Variants in CDH9 observed in about 807,000 individuals in gnomAD.
CDH9 encodes the protein cadherin 9.
A neutral mutation model predicts 70.9 loss-of-function variants in CDH9; 28 were observed. The observed-to-expected ratio is 0.40, with a 90% confidence interval of 0.29 to 0.54. The LOEUF (loss-of-function observed/expected upper bound fraction) is 0.54. Ranked by LOEUF, CDH9 falls within the 20% of genes least tolerant of loss-of-function variation. CDH9 has a pLI of 0.59. For synonymous variants in CDH9, 409 were observed against 343.1 expected, an observed-to-expected ratio of 1.19 and a Z score of -2.12; for missense variants, 874 against 984.4, an observed-to-expected ratio of 0.89 and a Z score of 1.50.
intron 1 of CDH9, among the ~76,000 whole-genome samples, chr5:27,019,637 C>T (rs555738538): frequency 1.3e-5 from 2 of 151,716 alleles, no homozygotes; most frequent in African/African-American, 4.8e-5. Context: ...TCTTAACACA[C>T]AGAGAAGAAA....
chr5:26,905,876 C>A, intron 5 of CDH9, 83 bp downstream of exon 5: 1 of 987,424 alleles, frequency 1.0e-6, no homozygotes, highest in Non-Finnish European at 1.6e-6. Context: ...AGCAAAACTA[C>A]TAGTATGAAA....
Position 26,928,828 on chromosome 5 carries a change from T to C in CDH9, c.229-12904A>G, listed in dbSNP as rs371598069. On this transcript the variant is annotated intron_variant, in intron 2 of 11. Coordinates refer to ENST00000231021, the MANE Select transcript of CDH9 (RefSeq NM_016279.4). ...AACTAGACTCCTATCTCTCACCATA[T>C]ACAAAAATTAAATCAAAATGAACTA... 9.2e-5 allele frequency among the ~76,000 whole-genome samples: 14 copies of C among 152,176 alleles called. No homozygotes were observed. The East Asian group carries it at 1.2e-3, about 13-fold the overall frequency.
intron 2 of CDH9, among the ~76,000 whole-genome samples, chr5:26,940,955 C>G (rs1741652031): frequency 6.6e-6 from 1 of 152,124 alleles, no homozygotes; most frequent in African/African-American, 2.4e-5. Flanking sequence ...CAGGCTGAAG[C>G]CGATGTAATA....
intron 1 of CDH9, among the ~76,000 whole-genome samples, chr5:27,020,935 ACT>A (rs962005865): frequency 2.6e-5 from 4 of 151,764 alleles, no homozygotes; most frequent in African/African-American, 9.7e-5. Flanking sequence ...GTATTTAAAC[ACT>A]GTTATCAAAA....
At chr5:26,938,608 G>A (rs895902258) in intron 2 of CDH9, among the ~76,000 whole-genome samples, 1 of 152,084 alleles carries the variant, frequency 6.6e-6, no homozygotes, top group Admixed American at 6.6e-5. Flanking sequence ...ACCTAAGACA[G>A]AGTAAGTGCA....
intron 1 of CDH9, among the ~76,000 whole-genome samples, chr5:26,998,188 A>G (rs1350261354): frequency 6.6e-6 from 1 of 152,140 alleles, no homozygotes; most frequent in Non-Finnish European, 1.5e-5. Context: ...CAGGGCTTCT[A>G]TACACAACAG....
chr5:26,916,096 T>C (rs891315387), intron 2 of CDH9, among the ~76,000 whole-genome samples, 172 bp from the exon 3 acceptor site: 1 of 151,968 alleles, frequency 6.6e-6, no homozygotes, highest in Non-Finnish European at 1.5e-5. Context: ...CTTATTACAC[T>C]CAAAATTTTT....
At chr5:27,012,609 C>A (rs1742977884) in intron 1 of CDH9, among the ~76,000 whole-genome samples, 1 of 151,946 alleles carries the variant, frequency 6.6e-6, no homozygotes, top group South Asian at 2.1e-4. Context: ...TTGGCAACAT[C>A]ATAATGGATC....
chr5:26,983,094 A>T (rs1055645951), intron 2 of CDH9, among the ~76,000 whole-genome samples: 21 of 152,150 alleles, frequency 1.4e-4, no homozygotes, highest in Non-Finnish European at 2.8e-4. Flanking sequence ...GGTAAGACAT[A>T]GAGTGAACAA....
intron 3 of CDH9, among the ~76,000 whole-genome samples, chr5:26,915,197 C>T (rs977896957): frequency 1.3e-5 from 2 of 151,984 alleles, no homozygotes; most frequent in African/African-American, 4.8e-5. Context: ...CTCATGCCTA[C>T]CACATAAGTT....
intron 2 of CDH9, among the ~76,000 whole-genome samples, chr5:26,967,721 T>A (rs1742152838): frequency 6.6e-6 from 1 of 151,936 alleles, no homozygotes; most frequent in Admixed American, 6.6e-5. Context: ...TTTTTTTCAA[T>A]GCTAGGTCTT....
At chr5:26,916,592 G>A (rs944727186) in intron 2 of CDH9, among the ~76,000 whole-genome samples, 5 of 151,864 alleles carry the variant, frequency 3.3e-5, no homozygotes, top group Admixed American at 2.0e-4. Context: ...ACCATATACC[G>A]TAACAAAAGT....
chr5:26,910,281 C>A (rs561805641), intron 3 of CDH9, among the ~76,000 whole-genome samples: 21 of 146,264 alleles, frequency 1.4e-4, no homozygotes, highest in Non-Finnish European at 2.0e-4. Context: ...AATTATCTCT[C>A]TATATAAACT....
At chr5:26,905,836 T>G (rs1413769309) in intron 5 of CDH9, 123 bp downstream of exon 5, 1 of 705,944 alleles carries the variant, frequency 1.4e-6, no homozygotes, top group Non-Finnish European at 2.5e-6. Context: ...GAGGAATGGA[T>G]TATGGTTTTT....
At chr5:27,017,915 A>AT (rs1196389461) in intron 1 of CDH9, among the ~76,000 whole-genome samples, 2 of 113,910 alleles carry the variant, frequency 1.8e-5, no homozygotes, top group Admixed American at 7.7e-5. Context: ...TTTAGTATAC[A>AT]TTGTTTTTTT....
At chr5:27,005,371 A>G (rs144044932) in intron 1 of CDH9, among the ~76,000 whole-genome samples, 139 of 152,236 alleles carry the variant, frequency 9.1e-4, no homozygotes, top group Middle Eastern at 3.4e-3. Flanking sequence ...ATGAACTGAC[A>G]CTTCTCAAAA....
chr5:26,887,986 G>A (rs543140774), intron 9 of CDH9, among the ~76,000 whole-genome samples: 1 of 152,222 alleles, frequency 6.6e-6, no homozygotes, highest in East Asian at 1.9e-4. Context: ...CCAAAACTAT[G>A]AGAAATAAAA....
chr5:27,014,312 C>T (rs1041317074), intron 1 of CDH9, among the ~76,000 whole-genome samples: 5 of 152,032 alleles, frequency 3.3e-5, no homozygotes, highest in African/African-American at 1.2e-4. Flanking sequence ...TATATTAACC[C>T]CTTCCGACCA....
chr5:26,915,459 G>A (rs1170029857), intron 3 of CDH9, among the ~76,000 whole-genome samples, 171 bp downstream of exon 3: 1 of 151,880 alleles, frequency 6.6e-6, no homozygotes, highest in Non-Finnish European at 1.5e-5. Flanking sequence ...CATAACAGGA[G>A]AATTAAGATA....
Sources: allele counts gnomAD v4.1 joint callset (sites outside exome capture counted in the v4.1 genomes callset), GRCh38; gene constraint gnomAD v4.1.1; transcripts MANE v1.5; gene names NCBI Gene and HGNC (gene_info 2026-07-23, HGNC 2026-07-21).